The following DNAH1 variants were observed in gnomAD, a reference collection of about 807,000 sequenced individuals.
DNAH1 encodes the protein dynein axonemal heavy chain 1.
DNAH1 carries 327 observed loss-of-function variants against 484.3 expected under a neutral mutation model. The observed-to-expected ratio is 0.68, with a 90% CI of 0.62 to 0.74. The LOEUF is 0.74. DNAH1 is among the 30% of genes least tolerant of loss of function. DNAH1 has a pLI of 0.00. For missense variants in DNAH1, 5,052 were observed against 5,546.8 expected, an observed-to-expected ratio of 0.91 and a Z score of 2.83; for synonymous variants, 2,192 against 2,191.9, an observed-to-expected ratio of 1.00 and a Z score of 0.00.
Position 52,358,818 on chromosome 3 carries a change from C to T in DNAH1, c.4266+81C>T. 6.5e-7 allele frequency: 1 copy of T among 1,548,840 alleles called. No homozygotes were observed. The highest frequency in any genetic ancestry group is 8.8e-7 in the Non-Finnish European group (1 of 1,142,510). The stretch of plus-strand genomic sequence containing the variant: ...CAGTGCCCCTCCTGCTCTAGCCGGC[C>T]TCGTCCTCAGGCTGCAGCCCTGAGG... On this transcript the variant is annotated intron_variant, in intron 25 of 77. Transcript: ENST00000420323. This position sits in a 1 kb window ranked among gnomAD's most constrained non-coding sequence, Gnocchi z 4.2.
Position 52,331,331 on chromosome 3 carries a change from C to T in DNAH1, c.1033+22C>T, listed in dbSNP as rs987535202. On this transcript the variant is annotated intron_variant, in intron 7 of 77. Transcript: ENST00000420323. ...GAAGGTATGAGGTCCTGCCGCTGCC[C>T]CAGGCAGAACCCCAGCTTGGGCCTG... 1.9e-6 allele frequency: 3 copies of T among 1,588,640 alleles called. No homozygotes were observed. The African/African-American group carries it at 4.0e-5, about 21-fold the overall frequency.
At chr3:52,377,757 C>T (rs1703666416) in intron 46 of DNAH1, among the ~76,000 whole-genome samples, 1 of 29,006 alleles carries the variant, frequency 3.4e-5, no homozygotes, top group Non-Finnish European at 7.3e-5. Context: ...CTGCTTGACC[C>T]CCCTTCCTCA....
chr3:52,395,432 A>G lies in DNAH1; in HGVS notation c.11093A>G (p.Lys3698Arg), dbSNP rs373247668. 1 of 1,613,920 alleles carries G rather than the reference A, an allele frequency of 6.2e-7. No individual in the cohort carries two copies. Among genetic ancestry groups the G allele is most frequent in the South Asian group, 1.1e-5 (1 of 91,090 alleles). The part of the protein sequence containing the change: ...YKFAEEMKFS[K>R]KLSAISLGQG... ...TTTGCCGAAGAAATGAAGTTCTCCA[A>G]AAAGCTCTCTGCCATCTCCCTGGGC... Residue 3698 changes from lysine to arginine, a missense_variant, in exon 69 of 78, where the codon AAA becomes AGA. Physicochemically the swap from Lys to Arg is conservative, Grantham distance 26. Around this residue, in one of 4 missense-constraint regions of DNAH1, gnomAD observed 853 missense variants for 899.0 expected, o/e 0.95. Transcript: ENST00000420323. This position sits in a 1 kb window ranked among gnomAD's most constrained non-coding sequence, Gnocchi z 4.4.
intron 8 of DNAH1, among the ~76,000 whole-genome samples, chr3:52,343,125 G>A (rs183095454): frequency 2.0e-5 from 3 of 152,328 alleles, no homozygotes. Context: ...AGTCCAGTGA[G>A]ATGAGGCAGA....
rs909539360 is a variant in DNAH1, at chr3:52,352,616, T to C, written c.2936T>C (p.Val979Ala). 2.5e-6 allele frequency: 4 copies of C among 1,608,172 alleles called. No homozygotes were observed. The highest frequency in any genetic ancestry group is 3.4e-6 in the Non-Finnish European group (4 of 1,178,452). Reference sequence around the variant, plus strand: ...CGTGCACACGAGATCGCCAACGAGGTGCGGCGTGTCAAGAAGCAGCTGAAG... The same window carrying C: ...CGTGCACACGAGATCGCCAACGAGGCGCGGCGTGTCAAGAAGCAGCTGAAG... ...ISRAHEIANE[V>A]RRVKKQLKDC... The change falls in exon 18 of 78, where the codon GTG (valine) becomes GCG (alanine). Residue 979 changes from valine (V) to alanine (A), a missense_variant. By Grantham distance (64) the Val-to-Ala change is moderately conservative. Coordinates refer to ENST00000420323, the MANE Select transcript of DNAH1 (RefSeq NM_015512.5).
intron 46 of DNAH1, among the ~76,000 whole-genome samples, chr3:52,377,268 C>A (rs1703644688): frequency 6.6e-6 from 1 of 152,070 alleles, no homozygotes; most frequent in African/African-American, 2.4e-5. Flanking sequence ...GTGCTCCCAG[C>A]AAGACGGGGT....
chr3:52,323,835 C>G lies in DNAH1; in HGVS notation c.361C>G (p.Gln121Glu), dbSNP rs778288840. ...GGTATGTCGTGGCCCCCGAATGAGC[C>G]AGAACCTCCTGCGGCAGGCTGACCT... ...GEVCRGPRMS[Q>E]NLLRQADLDK... Residue 121 changes from glutamine to glutamate, a missense_variant, in exon 3 of 78, where the codon CAG becomes GAG. Coordinates refer to ENST00000420323, the MANE Select transcript of DNAH1 (RefSeq NM_015512.5). 6.3e-7 allele frequency: 1 copy of G among 1,589,474 alleles called. No individual in the cohort carries two copies. Among genetic ancestry groups the G allele is most frequent in the South Asian group, 1.1e-5 (1 of 86,962 alleles).
Position 52,394,653 on chromosome 3 carries a change from G to C in DNAH1, c.10815G>C (p.Glu3605Asp). 6.4e-7 allele frequency: 1 copy of C among 1,569,642 alleles called. No homozygotes were observed. Among genetic ancestry groups the C allele is most frequent in the Non-Finnish European group, 8.7e-7 (1 of 1,154,262 alleles). Residue 3605 changes from glutamate (E) to aspartate (D), a missense_variant, in exon 67 of 78, where the codon GAG becomes GAC. Glu to Asp is a conservative substitution (Grantham distance 45). Transcript: ENST00000420323. ...SEFRVIFDSL[E>D]PHREPLPGIW... The stretch of plus-strand genomic sequence containing the variant: ...TCCGGGTCATCTTCGACAGCCTTGA[G>C]CCCCACCGGTTAGCTGGGCCCCAGA...
intron 41 of DNAH1, among the ~76,000 whole-genome samples, chr3:52,371,114 C>T (rs58523785): frequency 0.012 from 1,841 of 152,340 alleles, 36 homozygotes; most frequent in African/African-American, 0.038. Context: ...CACATTGATG[C>T]GGAGCCCAGG....
chr3:52,323,811 G>T lies in DNAH1; in HGVS notation c.337G>T (p.Val113Leu). ...GGGCTCCATGGTTTGGTTTCAGGAG[G>T]TATGTCGTGGCCCCCGAATGAGCCA... ...SPGTLDQLGEVCRGPRMSQNL... is the reference protein window; with the variant it reads ...SPGTLDQLGELCRGPRMSQNL... Residue 113 changes from valine (V) to leucine (L), a missense_variant, in exon 3 of 78, where the codon GTA (valine) becomes TTA (leucine). Physicochemically the swap from Val to Leu is conservative, Grantham distance 32. Around this residue, in one of 4 missense-constraint regions of DNAH1, gnomAD observed 1,263 missense variants for 1,218.8 expected, o/e 1.04. Transcript: ENST00000420323. 1 of 1,590,182 alleles carries T rather than the reference G, an allele frequency of 6.3e-7. No individual in the cohort carries two copies. Among genetic ancestry groups the T allele is most frequent in the Non-Finnish European group, 8.6e-7 (1 of 1,168,082 alleles).
At position 52,395,043 on chromosome 3, in the gene DNAH1, G is replaced by A. The variant is rs201278364; in HGVS notation, c.10952G>A (p.Arg3651His). The A allele has an allele frequency of 2.8e-4, 444 of 1,609,378 alleles. 1 individual carries two copies. Among genetic ancestry groups the A allele is most frequent in the Non-Finnish European group, 1.9e-4 (221 of 1,177,952 alleles). Residue 3651 changes from arginine to histidine, a missense_variant, in exon 68 of 78, where the codon CGC (arginine) becomes CAC (histidine). By Grantham distance (29) the Arg-to-His change is conservative. Around this residue, in one of 4 missense-constraint regions of DNAH1, gnomAD observed 853 missense variants for 899.0 expected, o/e 0.95. Coordinates refer to ENST00000420323, the MANE Select transcript of DNAH1 (RefSeq NM_015512.5). The surrounding 1 kb of genome is among the most constrained non-coding windows in gnomAD (Gnocchi z 4.4). Reference sequence around the variant, plus strand: ...TTTGTGGCCACCAACCTGGAGCCACGCTTCATTGAACCCCAGGCAAGTGCT... The same window carrying A: ...TTTGTGGCCACCAACCTGGAGCCACACTTCATTGAACCCCAGGCAAGTGCT... ...QDFVATNLEPRFIEPQTANLS... is the reference protein window; with the variant it reads ...QDFVATNLEPHFIEPQTANLS...
At chr3:52,349,576 A>T (rs113365632) in intron 14 of DNAH1, among the ~76,000 whole-genome samples, 156 bp downstream of exon 14, 1 of 152,298 alleles carries the variant, frequency 6.6e-6, no homozygotes, top group African/African-American at 2.4e-5. Flanking sequence ...ACCCTGCCCC[A>T]TCCCTGCCTG....
In DNAH1 at chr3:52,388,953, C is replaced by G. The variant is rs751077029; in HGVS notation, c.9495+16C>G. The G allele has an allele frequency of 3.2e-6, 5 of 1,577,290 alleles. No individual in the cohort carries two copies. The highest frequency in any genetic ancestry group is 8.6e-7 in the Non-Finnish European group (1 of 1,158,816). On this transcript the variant is annotated intron_variant, in intron 59 of 77. Transcript: ENST00000420323. ...CCCCTTCACGGTAAGAAGTCCCCAC[C>G]TCTGTCTCTGACCAGCCTCGCCTTC...
Position 52,332,281 on chromosome 3 carries a change from C to T in DNAH1, c.1173C>T (p.Tyr391=), listed in dbSNP as rs1170363310. Residue 391 remains tyrosine, a synonymous_variant, in exon 8 of 78, where the codon TAC becomes TAT. Transcript: ENST00000420323. ...LRKNTEALLL[Y]NLYVDCMPSD... is the part of the protein sequence containing the mutation. The stretch of plus-strand genomic sequence containing the variant: ...AGAACACGGAAGCACTGCTGCTCTA[C>T]AACTTGTATGTGGACTGCATGCCCT... 1 of 1,614,070 alleles carries T rather than the reference C, an allele frequency of 6.2e-7. No individual in the cohort carries two copies. The highest frequency in any genetic ancestry group is 2.2e-5 in the East Asian group (1 of 44,884).
intron 75 of DNAH1, 59 bp from the exon 76 acceptor site, chr3:52,398,791 C>T: frequency 1.5e-6 from 2 of 1,374,548 alleles, no homozygotes; most frequent in East Asian, 5.0e-5. Context: ...AGCTGCGGAG[C>T]ATAGCTACTG....
In DNAH1 at chr3:52,393,473, C is replaced by T. The variant is rs1704485934; in HGVS notation, c.10614C>T (p.Gly3538=). ...LLCVRIMMNE[G]KINQSEWRYL... ...GTGTTCGCATCATGATGAACGAGGG[C>T]AAAATCAACCAGGTGCTGGCAGAGA... The change falls in exon 66 of 78, where the codon GGC becomes GGT. Residue 3538 remains glycine, a synonymous_variant. Coordinates refer to ENST00000420323, the MANE Select transcript of DNAH1 (RefSeq NM_015512.5). The T allele has an allele frequency of 1.2e-6, 2 of 1,613,876 alleles. No individual in the cohort carries two copies. The highest frequency in any genetic ancestry group is 1.7e-6 in the Non-Finnish European group (2 of 1,179,888).
At chr3:52,343,740 A>G (rs1702032675) in intron 8 of DNAH1, among the ~76,000 whole-genome samples, 1 of 152,202 alleles carries the variant, frequency 6.6e-6, no homozygotes, top group South Asian at 2.1e-4. Context: ...TCGATGGCAG[A>G]GACCAACTCA....
intron 10 of DNAH1, 43 bp downstream of exon 10, chr3:52,345,749 C>A: frequency 6.3e-7 from 1 of 1,575,382 alleles, no homozygotes; most frequent in Non-Finnish European, 8.6e-7. Flanking sequence ...GCAGGGCAGA[C>A]CCTTGGAACT....
At chr3:52,350,772 C>T (rs1281975269) in intron 16 of DNAH1, among the ~76,000 whole-genome samples, 182 bp downstream of exon 16, 13 of 152,212 alleles carry the variant, frequency 8.5e-5, no homozygotes, top group African/African-American at 2.7e-4. Context: ...GCCAGGTGGC[C>T]GAAGGAATTC....
Sources: gnomAD v4.1 joint callset for allele counts (sites outside exome capture counted in the v4.1 genomes callset) on GRCh38, gnomAD v4.1.1 for gene constraint, gnomAD v4.1.1 regional missense constraint, Gnocchi (gnomAD v3.1) non-coding constraint, MANE v1.5 for transcripts, NCBI Gene and HGNC (gene_info 2026-07-23, HGNC 2026-07-21) for gene names.